ELP4: variants seen among roughly 807,000 people sequenced by gnomAD.
ELP4 encodes the protein elongator complex protein 4.
A neutral mutation model predicts 48.9 loss-of-function variants in ELP4; 51 were observed. The ratio of observed to expected loss-of-function variants is 1.04; its 90% CI spans 0.83 to 1.32. The LOEUF (loss-of-function observed/expected upper bound fraction) is 1.32, where lower values mean the gene tolerates loss of function less well. Ranked by LOEUF, ELP4 falls within the 40% of genes most tolerant of loss-of-function variation. ELP4 has a pLI of 0.00. For synonymous variants in ELP4, 210 were observed against 189.2 expected (o/e 1.11, Z -0.90); for missense variants, 519 against 514.6 (o/e 1.01, Z -0.08).
chr11:31,668,061 CA>C (rs1397612550), intron 9 of ELP4, among the ~76,000 whole-genome samples: 6 of 151,936 alleles, frequency 3.9e-5, no homozygotes, highest in African/African-American at 1.4e-4. Context: ...AGTAAATATT[CA>C]AAAAAGTTTA....
At chr11:31,633,611 A>G (rs1399833183) in intron 7 of ELP4, 1 of 151,998 alleles carries the variant, frequency 6.6e-6, no homozygotes, top group Non-Finnish European at 1.5e-5. Flanking sequence ...TTCTCTAATC[A>G]TGCTAGACAT....
intron 7 of ELP4, among the ~76,000 whole-genome samples, chr11:31,641,369 T>A (rs1182582628): frequency 6.6e-6 from 1 of 151,892 alleles, no homozygotes; most frequent in African/African-American, 2.4e-5. Context: ...AGTGTATATA[T>A]CAACAAACAT....
intron 9 of ELP4, among the ~76,000 whole-genome samples, chr11:31,751,027 G>A (rs1947707959): frequency 6.6e-6 from 1 of 152,188 alleles, no homozygotes; most frequent in Non-Finnish European, 1.5e-5. Flanking sequence ...ACTATAAAAT[G>A]TTAAAGTCTG....
intron 3 of ELP4, among the ~76,000 whole-genome samples, chr11:31,562,359 CT>C (rs1319042518): frequency 7.9e-5 from 12 of 152,010 alleles, no homozygotes; most frequent in African/African-American, 2.9e-4. Context: ...TGTTATCCTC[CT>C]CATTTGCTCT....
intron 9 of ELP4, chr11:31,662,381 T>C: frequency 2.6e-6 from 1 of 391,628 alleles, no homozygotes; most frequent in Non-Finnish European, 4.5e-6. Flanking sequence ...TTAAAGCAAC[T>C]ATGCCCCTGT....
chr11:31,615,352 C>G (rs1958056716), intron 5 of ELP4, among the ~76,000 whole-genome samples: 1 of 151,784 alleles, frequency 6.6e-6, no homozygotes, highest in East Asian at 1.9e-4. Context: ...ACAGAAATGA[C>G]CAATAAATGT....
chr11:31,551,391 C>T (rs1956848960), intron 3 of ELP4, among the ~76,000 whole-genome samples: 1 of 152,142 alleles, frequency 6.6e-6, no homozygotes, highest in Non-Finnish European at 1.5e-5. Flanking sequence ...AGTCTCAAAG[C>T]ATCAATGATT....
At chr11:31,740,890 G>A (rs987692881) in intron 9 of ELP4, among the ~76,000 whole-genome samples, 3 of 152,218 alleles carry the variant, frequency 2.0e-5, no homozygotes, top group Non-Finnish European at 4.4e-5. Context: ...CAGACAGTAG[G>A]TGCAGGACAG....
chr11:31,693,284 A>G (rs1025836581), intron 9 of ELP4, among the ~76,000 whole-genome samples: 10 of 152,052 alleles, frequency 6.6e-5, no homozygotes, highest in Non-Finnish European at 1.5e-4. Context: ...CATTAGGTAT[A>G]TCTCCTAATG....
intron 5 of ELP4, among the ~76,000 whole-genome samples, chr11:31,613,552 G>GT (rs1958020602): frequency 6.6e-6 from 1 of 151,814 alleles, no homozygotes; most frequent in African/African-American, 2.4e-5. Context: ...TCCTGCAATC[G>GT]TTTTTCTCAG....
chr11:31,752,868 A>G (rs532253672), intron 9 of ELP4, among the ~76,000 whole-genome samples: 1 of 151,966 alleles, frequency 6.6e-6, no homozygotes, highest in Admixed American at 6.6e-5. Flanking sequence ...GGAAAGAACA[A>G]TACCAAACTG....
chr11:31,579,977 G>C (rs1291729364), intron 3 of ELP4, among the ~76,000 whole-genome samples: 1 of 151,832 alleles, frequency 6.6e-6, no homozygotes, highest in Non-Finnish European at 1.5e-5. Context: ...GAAAAAAAAA[G>C]TCATGTGCTT....
At chr11:31,601,201 G>A (rs926936745) in intron 4 of ELP4, among the ~76,000 whole-genome samples, 3 of 151,882 alleles carry the variant, frequency 2.0e-5, no homozygotes, top group Admixed American at 2.0e-4. Context: ...AAATGTCTAA[G>A]TCTTTGTTTT....
At chr11:31,662,289 AATT>A (rs1945576507) in intron 9 of ELP4, among the ~76,000 whole-genome samples, 1 of 152,132 alleles carries the variant, frequency 6.6e-6, no homozygotes, top group African/African-American at 2.4e-5. Context: ...TTTAGCATTC[AATT>A]ATTATCACAT....
At chr11:31,680,415 C>T (rs1327033021) in intron 9 of ELP4, among the ~76,000 whole-genome samples, 2 of 152,068 alleles carry the variant, frequency 1.3e-5, no homozygotes, top group African/African-American at 4.8e-5. Context: ...GTTTTTGAAA[C>T]AAATTTACCC....
At chr11:31,511,893 T>C (rs1343374469) in intron 1 of ELP4, 1 of 152,216 alleles carries the variant, frequency 6.6e-6, no homozygotes, top group Non-Finnish European at 1.5e-5. Flanking sequence ...AAGCTTATGC[T>C]AAAAATTACT....
At chr11:31,624,485 C>T (rs968210804) in intron 5 of ELP4, among the ~76,000 whole-genome samples, 2 of 151,382 alleles carry the variant, frequency 1.3e-5, no homozygotes, top group Non-Finnish European at 3.0e-5. Flanking sequence ...GAGAATGGAG[C>T]TTACAGGACT....
In ELP4 at chr11:31,726,683, A is replaced by G. The variant is rs114264756; in HGVS notation, c.1144-56710A>G. 5.7e-3 allele frequency among the ~76,000 whole-genome samples: 862 copies of G among 152,286 alleles called. 11 individuals are homozygous for G. The highest frequency in any genetic ancestry group is 0.02 in the African/African-American group (831 of 41,560). ...GAAAAAAAAAAGGGAATCCTAATGG[A>G]AAAGAAAACACCACATTACCTTGTT... On this transcript the variant is annotated intron_variant, in intron 9 of 9. Coordinates refer to ENST00000640961, the MANE Select transcript of ELP4 (RefSeq NM_019040.5).
chr11:31,555,640 A>G (rs1956919776), intron 3 of ELP4, among the ~76,000 whole-genome samples: 1 of 151,852 alleles, frequency 6.6e-6, no homozygotes, highest in African/African-American at 2.4e-5. Context: ...ACTATATTTA[A>G]AAAGTAAGAC....
Sources: gnomAD v4.1 joint callset for allele counts (sites outside exome capture counted in the v4.1 genomes callset) on GRCh38, gnomAD v4.1.1 for gene constraint, MANE v1.5 for transcripts, NCBI Gene and HGNC (gene_info 2026-07-23, HGNC 2026-07-21) for gene names.